Variants in ELN observed in about 807,000 individuals in gnomAD.
The protein encoded by ELN is elastin.
Under a neutral mutation model 105.8 loss-of-function variants are expected in ELN, and 65 were observed. That is an observed-to-expected ratio of 0.61 (90% CI 0.50 to 0.75). The LOEUF is 0.75. ELN is among the 30% of genes least tolerant of loss of function. ELN has a pLI of 0.00. For synonymous variants in ELN, 368 were observed against 389.2 expected (o/e 0.95, Z 0.64); for missense variants, 882 against 969.4 (o/e 0.91, Z 1.20).
chr7:74,052,648 AGGAAGGAAGGAAAGAC>A (rs1794309201), intron 17 of ELN: 2 of 159,568 alleles, frequency 1.3e-5, no homozygotes, highest in Admixed American at 6.0e-5. Context: ...GAAAGAAGGA[AGGAAGGAAGGAAAGAC>A]GGAAGGAAGG....
rs782650847 is a variant in ELN at position 74,063,365 on chromosome 7, G to A, written c.1914G>A (p.Gln638=). 1.9e-6 allele frequency: 3 copies of A among 1,546,720 alleles called. No homozygotes were observed. Among genetic ancestry groups the A allele is most frequent in the African/African-American group, 2.7e-5 (2 of 73,072 alleles). Residue 638 remains glutamine (Q), a synonymous_variant, in exon 28 of 33, where the codon CAG becomes CAA. Transcript: ENST00000252034. The surrounding 1 kb of genome is among the most constrained non-coding windows in gnomAD (Gnocchi z 4.1). ...CCAAAGCTGCTGCCAAAGCCGCCCA[G>A]TTTGGTGAGCACTGGGTGGAGGTGG... The part of the protein sequence containing the change: ...AAAKAAAKAA[Q]FGLVGAAGLG...
chr7:74,041,559 G>A (rs1425622877), intron 5 of ELN, among the ~76,000 whole-genome samples: 4 of 152,194 alleles, frequency 2.6e-5, no homozygotes, highest in African/African-American at 4.8e-5. Context: ...TAGAGGAGGT[G>A]GGTGGGGAAA....
intron 32 of ELN, among the ~76,000 whole-genome samples, chr7:74,067,577 A>C (rs1281214663): frequency 6.6e-6 from 1 of 151,790 alleles, no homozygotes; most frequent in African/African-American, 2.4e-5. Context: ...TCTCTACTAA[A>C]AATACAAAAA....
intron 2 of ELN, among the ~76,000 whole-genome samples, chr7:74,036,312 A>T (rs543778510): frequency 5.9e-5 from 9 of 152,038 alleles, no homozygotes; most frequent in South Asian, 2.1e-4. Flanking sequence ...TTAAAAAATT[A>T]AAAAAAGCAT....
At chr7:74,037,872 T>G (rs1790349571) in intron 4 of ELN, 133 bp downstream of exon 4, 1 of 1,340,446 alleles carries the variant, frequency 7.5e-7, no homozygotes, top group Non-Finnish European at 1.0e-6. Flanking sequence ...AGGAGGGAGG[T>G]GTGGACACCG....
At position 74,063,102 on chromosome 7, in the gene ELN, G is replaced by A; in HGVS notation, c.1787-51G>A. On this transcript the variant is annotated intron_variant, in intron 26 of 32. Coordinates refer to ENST00000252034, the MANE Select transcript of ELN (RefSeq NM_000501.4). The surrounding 1 kb of genome is among the most constrained non-coding windows in gnomAD (Gnocchi z 4.1). ...GCTTGCCTTGTGTCCCTGGGGCAGG[G>A]AGACCCATCGTTCAGAAATGGAACA... 1.3e-6 allele frequency: 2 copies of A among 1,564,106 alleles called. No homozygotes were observed. The highest frequency in any genetic ancestry group is 1.7e-6 in the Non-Finnish European group (2 of 1,153,188).
At chr7:74,047,822 G>C in intron 13 of ELN, 106 bp downstream of exon 13, 1 of 1,519,714 alleles carries the variant, frequency 6.6e-7, no homozygotes, top group Non-Finnish European at 9.1e-7. Flanking sequence ...ACCTCGCTGG[G>C]GCAGGGTTGG....
At chr7:74,041,477 A>G (rs576944725) in intron 5 of ELN, among the ~76,000 whole-genome samples, 37 of 152,322 alleles carry the variant, frequency 2.4e-4, no homozygotes, top group Non-Finnish European at 4.9e-4. Flanking sequence ...TGAAGGCTGC[A>G]TGGAGGAAGC....
intron 17 of ELN, 45 bp downstream of exon 17, chr7:74,052,028 A>G (rs1554676498): frequency 6.2e-7 from 1 of 1,609,600 alleles, no homozygotes; most frequent in East Asian, 2.2e-5. Context: ...GGGCCCCTGC[A>G]TAGACCTCGG....
chr7:74,034,045 G>A (rs1789325860), intron 1 of ELN, among the ~76,000 whole-genome samples: 2 of 152,288 alleles, frequency 1.3e-5, no homozygotes, highest in East Asian at 1.9e-4. Flanking sequence ...CTGTCTGGCC[G>A]GTGAATTCGC....
At chr7:74,030,782 A>C (rs528514699) in intron 1 of ELN, among the ~76,000 whole-genome samples, 2 of 152,114 alleles carry the variant, frequency 1.3e-5, no homozygotes, top group South Asian at 2.1e-4. Context: ...CCCACCCAAG[A>C]ATCCCTGCTT....
intron 22 of ELN, 194 bp from the exon 23 acceptor site, chr7:74,059,692 C>G: frequency 1.5e-6 from 1 of 664,730 alleles, no homozygotes; most frequent in Non-Finnish European, 2.7e-6. Flanking sequence ...TCCAAAAAAA[C>G]AAAGTTATGA....
intron 15 of ELN, among the ~76,000 whole-genome samples, chr7:74,049,823 T>C (rs1342356206): frequency 1.3e-5 from 2 of 151,040 alleles, no homozygotes; most frequent in African/African-American, 4.9e-5. Flanking sequence ...CCTCCATGCA[T>C]CCATCTATCC....
At chr7:74,046,635 G>A (rs1169043448) in intron 11 of ELN, 61 bp from the exon 12 acceptor site, 6 of 1,564,960 alleles carry the variant, frequency 3.8e-6, no homozygotes, top group Admixed American at 3.3e-5. Context: ...AAAGTGGAGT[G>A]GGTGGCGGAG....
chr7:74,053,647 G>C (rs1486877705), intron 18 of ELN, among the ~76,000 whole-genome samples: 2 of 151,856 alleles, frequency 1.3e-5, no homozygotes, highest in African/African-American at 4.8e-5. Flanking sequence ...TGGATAGATG[G>C]ATAAGTGGAT....
chr7:74,067,518 G>A (rs1370157161), intron 32 of ELN, among the ~76,000 whole-genome samples: 5 of 151,270 alleles, frequency 3.3e-5, no homozygotes, highest in Non-Finnish European at 7.4e-5. Flanking sequence ...CGCCCGCCTC[G>A]GCCTCCCAAA....
chr7:74,035,717 C>T (rs1789779615), intron 2 of ELN: 1 of 462,466 alleles, frequency 2.2e-6, no homozygotes, highest in Non-Finnish European at 4.0e-6. Flanking sequence ...CACACACACA[C>T]ACACACAAAT....
Position 74,028,286 on chromosome 7 carries a change from CCT to C in ELN, c.82+18_82+19del. 1 of 1,601,552 alleles carries C rather than the reference CCT, an allele frequency of 6.2e-7. No individual in the cohort carries two copies. ...GGCCTGGAGGTAAGGACCCCTCGCC[CCT>C]GTCCCCAGCGCTGCCCACAGCTGCG... On this transcript the variant is annotated intron_variant, in intron 1 of 32. Transcript: ENST00000252034.
intron 5 of ELN, 44 bp from the exon 6 acceptor site, chr7:74,042,570 T>C (rs889803658): frequency 1.3e-6 from 2 of 1,577,970 alleles, no homozygotes; most frequent in Admixed American, 1.7e-5. Flanking sequence ...GGAGTCTTCA[T>C]AGGTGTGGTA....
Sources: gnomAD v4.1 joint callset for allele counts (sites outside exome capture counted in the v4.1 genomes callset) on GRCh38, gnomAD v4.1.1 for gene constraint, Gnocchi (gnomAD v3.1) non-coding constraint, MANE v1.5 for transcripts, NCBI Gene and HGNC (gene_info 2026-07-23, HGNC 2026-07-21) for gene names.